GABRA3: variants seen among roughly 807,000 people sequenced by gnomAD.
The protein encoded by GABRA3 is gamma-aminobutyric acid type A receptor subunit alpha3.
In GABRA3, 10 loss-of-function variants were observed where a neutral mutation model predicts 30.1. The observed-to-expected ratio is 0.33, with a 90% CI of 0.20 to 0.56. The LOEUF (loss-of-function observed/expected upper bound fraction) is 0.56. GABRA3 is among the 20% of genes least tolerant of loss of function. The probability of loss-of-function intolerance (pLI) is 0.89; values close to 1 mark genes in which losing one functional copy is unlikely to be tolerated. For missense variants in GABRA3, 233 were observed against 392.0 expected (o/e 0.59, Z 3.42); for synonymous variants, 151 against 146.8 (o/e 1.03, Z -0.21).
intron 5 of GABRA3, among the ~76,000 whole-genome samples, chrX:152,226,038 T>G (rs1937946361): frequency 9.0e-6 from 1 of 111,251 alleles, no homozygotes. Flanking sequence ...CATGCCTCAC[T>G]TCTATGCAAT....
At chrX:152,303,583 C>T (rs979931414) in intron 3 of GABRA3, among the ~76,000 whole-genome samples, 1 of 111,910 alleles carries the variant, frequency 8.9e-6, no homozygotes, top group Non-Finnish European at 1.9e-5. Context: ...CAATGATAGA[C>T]TGGATAAAGA....
intron 1 of GABRA3, chrX:152,393,396 G>A (rs1251591998): frequency 2.7e-6 from 1 of 368,467 alleles, no homozygotes. Flanking sequence ...TATACACGAT[G>A]CATAAAACAC....
chrX:152,182,908 T>A (rs1485309935), intron 9 of GABRA3, among the ~76,000 whole-genome samples: 1 of 100,191 alleles, frequency 1.0e-5, no homozygotes, highest in Non-Finnish European at 2.0e-5. Context: ...ACATATATAC[T>A]TTAAGAAGTT....
chrX:152,267,354 G>A (rs1369598503), intron 4 of GABRA3, among the ~76,000 whole-genome samples: 1 of 111,815 alleles, frequency 8.9e-6, no homozygotes, highest in Non-Finnish European at 1.9e-5. Flanking sequence ...GCATTCCTGG[G>A]ATGAATCTTA....
intron 1 of GABRA3, among the ~76,000 whole-genome samples, chrX:152,447,569 A>G (rs1931119624): frequency 8.9e-6 from 1 of 112,253 alleles, no homozygotes; most frequent in Admixed American, 9.5e-5. Flanking sequence ...ATACTAGGCT[A>G]ATGGCTAACG....
intron 3 of GABRA3, among the ~76,000 whole-genome samples, chrX:152,305,111 G>A (rs1475309044): frequency 4.5e-5 from 5 of 110,193 alleles, no homozygotes; most frequent in Non-Finnish European, 5.7e-5. Flanking sequence ...ACGTGTATAT[G>A]TACCACATTT....
chrX:152,260,272 G>A (rs146871281), intron 4 of GABRA3, among the ~76,000 whole-genome samples: 14 of 111,789 alleles, frequency 1.3e-4, no homozygotes, highest in African/African-American at 3.3e-4. Flanking sequence ...CTGGCTCCCA[G>A]ATGGCATGTC....
intron 1 of GABRA3, among the ~76,000 whole-genome samples, chrX:152,380,028 T>G (rs1929100736): frequency 1.8e-5 from 2 of 111,217 alleles, no homozygotes; most frequent in Admixed American, 1.9e-4. Flanking sequence ...ATGTGATGTT[T>G]TGATATACAT....
chrX:152,370,533 T>C (rs1928808287), intron 1 of GABRA3, among the ~76,000 whole-genome samples: 1 of 112,375 alleles, frequency 8.9e-6, no homozygotes, highest in Non-Finnish European at 1.9e-5. Context: ...ATTGGGCAGG[T>C]TATTTGACTC....
chrX:152,437,688 C>T (rs1047511400), intron 1 of GABRA3, among the ~76,000 whole-genome samples: 7 of 111,656 alleles, frequency 6.3e-5, no homozygotes, highest in South Asian at 3.7e-4. Flanking sequence ...AGAATAGAGA[C>T]CCCAGAAATA....
At chrX:152,444,746 TTGTTTTTTTTTG>T (rs1373350578) in intron 1 of GABRA3, among the ~76,000 whole-genome samples, 1 of 77,854 alleles carries the variant, frequency 1.3e-5, no homozygotes, top group Non-Finnish European at 2.5e-5. Context: ...TTTTTTTTTT[TTGTTTTTTTTTG>T]TTTGTTTGTT....
At chrX:152,414,704 A>C (rs1371505548) in intron 1 of GABRA3, among the ~76,000 whole-genome samples, 1 of 110,684 alleles carries the variant, frequency 9.0e-6, no homozygotes, top group African/African-American at 3.3e-5. Flanking sequence ...AATGATTTGA[A>C]AGTTTATTTA....
intron 9 of GABRA3, 53 bp downstream of exon 9, chrX:152,189,677 C>T: frequency 1.1e-6 from 1 of 945,364 alleles, no homozygotes; most frequent in Non-Finnish European, 1.5e-6. Context: ...ACTCCTGGTC[C>T]CAATACAGGT....
intron 3 of GABRA3, among the ~76,000 whole-genome samples, chrX:152,331,491 G>C (rs1004905272): frequency 1.8e-5 from 2 of 111,872 alleles, no homozygotes; most frequent in Non-Finnish European, 1.9e-5. Context: ...GCGATGCAGA[G>C]TAATTCAGTA....
At chrX:152,193,755 T>C (rs1317533339) in intron 8 of GABRA3, among the ~76,000 whole-genome samples, 1 of 112,194 alleles carries the variant, frequency 8.9e-6, no homozygotes, top group East Asian at 2.8e-4. Flanking sequence ...TCCCAGCCCT[T>C]TGGGAGGCTG....
chrX:152,424,206 C>A (rs908845693), intron 1 of GABRA3, among the ~76,000 whole-genome samples: 2 of 111,113 alleles, frequency 1.8e-5, no homozygotes, highest in African/African-American at 6.6e-5. Context: ...TACCCAACTG[C>A]AGAATCAGAA....
chrX:152,445,615 G>C (rs1258413734), intron 1 of GABRA3, among the ~76,000 whole-genome samples: 1 of 111,471 alleles, frequency 9.0e-6, no homozygotes, highest in Non-Finnish European at 1.9e-5. Context: ...GTTGCTTATA[G>C]AAGTGACCAA....
intron 3 of GABRA3, among the ~76,000 whole-genome samples, chrX:152,286,155 C>A (rs1265768658): frequency 1.2e-5 from 1 of 86,113 alleles, no homozygotes; most frequent in African/African-American, 4.5e-5. Context: ...TACTTATATA[C>A]TATAAGTATA....
At chrX:152,434,239 TA>T (rs1930720696) in intron 1 of GABRA3, among the ~76,000 whole-genome samples, 1 of 110,984 alleles carries the variant, frequency 9.0e-6, no homozygotes, top group Non-Finnish European at 1.9e-5. Flanking sequence ...CCAACGAATG[TA>T]AAGCAGGCAG....
Sources: gnomAD v4.1 joint callset for allele counts (sites outside exome capture counted in the v4.1 genomes callset) on GRCh38, gnomAD v4.1.1 for gene constraint, MANE v1.5 for transcripts, NCBI Gene and HGNC (gene_info 2026-07-23, HGNC 2026-07-21) for gene names.